ZNF585B: variants seen among roughly 807,000 people sequenced by gnomAD.
ZNF585B encodes zinc finger protein 41-like protein.
Under a neutral mutation model 14.0 loss-of-function variants are expected in ZNF585B, and 7 were observed. That is an observed-to-expected ratio of 0.50 (90% CI 0.28 to 0.94). The LOEUF (loss-of-function observed/expected upper bound fraction) is 0.94, where lower values mean the gene tolerates loss of function less well. Among genes scored for constraint, ZNF585B ranks in the 40% least tolerant of loss-of-function variants. The pLI is 0.09. For synonymous variants in ZNF585B, 290 were observed against 317.3 expected, an observed-to-expected ratio of 0.91 and a Z score of 0.91; for missense variants, 750 against 924.4, an observed-to-expected ratio of 0.81 and a Z score of 2.45.
rs199543347 is a variant in ZNF585B at position 37,186,714 on chromosome 19, A to G, written c.823T>C (p.Cys275Arg). 6.2e-7 allele frequency: 1 copy of G among 1,614,198 alleles called. No homozygotes were observed. The highest frequency in any genetic ancestry group is 1.3e-5 in the African/African-American group (1 of 75,060). The change falls in exon 5 of 5, where the codon TGC becomes CGC. Residue 275 changes from cysteine to arginine, a missense_variant. Transcript: ENST00000532828. ...GTTTTCTGGATGAAGGCCTGCCCGC[A>G]TTCAATACAGATGTAGGATCTCTCG... ...TGERSYICIE[C>R]GQAFIQKTQL...
At chr19:37,204,731 T>C (rs1272667035) in intron 2 of ZNF585B, among the ~76,000 whole-genome samples, 3 of 151,000 alleles carry the variant, frequency 2.0e-5, no homozygotes, top group Non-Finnish European at 4.4e-5. Flanking sequence ...CACAGCACCA[T>C]GCCAGACTAA....
At chr19:37,189,462 T>G in intron 4 of ZNF585B, 199 bp downstream of exon 4, 1 of 580,668 alleles carries the variant, frequency 1.7e-6, no homozygotes, top group Non-Finnish European at 3.1e-6. Context: ...GACTGGCACA[T>G]GACTTATAAT....
intron 2 of ZNF585B, among the ~76,000 whole-genome samples, chr19:37,206,244 G>A (rs530731118): frequency 1.3e-5 from 2 of 152,008 alleles, no homozygotes; most frequent in East Asian, 1.9e-4. Flanking sequence ...CTGAGATCAG[G>A]AGTTCGAGAT....
Position 37,190,163 on chromosome 19 carries a change from A to T in ZNF585B, c.73-13T>A, listed in dbSNP as rs375120735. On this transcript the variant is annotated splice_polypyrimidine_tract_variant and intron_variant, in intron 2 of 4. Coordinates refer to ENST00000532828, the MANE Select transcript of ZNF585B (RefSeq NM_152279.4). ...AGGACACTGATCCCTGTAAGGGCAC[A>T]TTCCTGTTCAATGTGCATAGTCAGC... 2.5e-6 allele frequency: 4 copies of T among 1,614,148 alleles called. No homozygotes were observed. Among genetic ancestry groups the T allele is most frequent in the Non-Finnish European group, 3.4e-6 (4 of 1,179,998 alleles).
In ZNF585B at chr19:37,186,931, G is replaced by A. The variant is rs748283830; in HGVS notation, c.606C>T (p.Phe202=). ...GKSFFQVSSL[F]RHHRIHTGEK... is the part of the protein sequence containing the mutation. ...CTCCGGTATGAATTCTGTGATGCCT[G>A]AAAAGAGACGATACTTGAAAAAAGG... The change falls in exon 5 of 5, where the codon TTC becomes TTT. Residue 202 remains phenylalanine, a synonymous_variant. Transcript: ENST00000532828. The A allele has an allele frequency of 5.0e-6, 8 of 1,614,020 alleles. No homozygotes were observed. Among genetic ancestry groups the A allele is most frequent in the African/African-American group, 2.7e-5 (2 of 74,916 alleles).
At chr19:37,187,727 C>G (rs1444795082) in intron 4 of ZNF585B, among the ~76,000 whole-genome samples, 1 of 151,694 alleles carries the variant, frequency 6.6e-6, no homozygotes, top group Non-Finnish European at 1.5e-5. Flanking sequence ...CTAGCAGAGG[C>G]TAGAGGGGAA....
intron 2 of ZNF585B, among the ~76,000 whole-genome samples, chr19:37,191,433 C>T (rs924400966): frequency 2.0e-5 from 3 of 151,804 alleles, no homozygotes; most frequent in Non-Finnish European, 4.4e-5. Flanking sequence ...GCCTGGCCAA[C>T]ATGGTGAAAT....
intron 2 of ZNF585B, among the ~76,000 whole-genome samples, chr19:37,206,107 A>T (rs561317331): frequency 2.0e-5 from 3 of 151,800 alleles, no homozygotes; most frequent in African/African-American, 7.2e-5. Context: ...TAAATAATTT[A>T]AAAAATAACA....
chr19:37,206,281 G>A (rs1356162459), intron 2 of ZNF585B, among the ~76,000 whole-genome samples: 2 of 151,606 alleles, frequency 1.3e-5, no homozygotes, highest in Admixed American at 6.6e-5. Flanking sequence ...GAGAAACCCC[G>A]TCTCTACTAA....
At chr19:37,191,523 A>T (rs55825113) in intron 2 of ZNF585B, among the ~76,000 whole-genome samples, 1,545 of 151,574 alleles carry the variant, frequency 0.01, 27 homozygotes, top group African/African-American at 0.036. Context: ...GAGGCTGAGG[A>T]GGGAGAATCA....
intron 2 of ZNF585B, among the ~76,000 whole-genome samples, chr19:37,194,313 A>G (rs928002206): frequency 6.9e-6 from 1 of 144,698 alleles, no homozygotes; most frequent in African/African-American, 2.6e-5. Flanking sequence ...CATGGTGTAC[A>G]TATTTAAAGA....
At chr19:37,205,123 G>C (rs779533885) in intron 2 of ZNF585B, among the ~76,000 whole-genome samples, 4 of 151,940 alleles carry the variant, frequency 2.6e-5, no homozygotes, top group Non-Finnish European at 5.9e-5. Flanking sequence ...GGCTGGTCTT[G>C]AACTTCTGGC....
chr19:37,185,663 T>A lies in ZNF585B; in HGVS notation c.1874A>T (p.Gln625Leu). Residue 625 changes from glutamine (Q) to leucine (L), a missense_variant, in exon 5 of 5, where the codon CAG becomes CTG. Around this residue, in one of 2 missense-constraint regions of ZNF585B, gnomAD observed 233 missense variants for 354.1 expected, o/e 0.66. Transcript: ENST00000532828. ...FTSKSQLLVH[Q>L]PVHTGEKPYV... Reference sequence around the variant, plus strand: ...GGGTTTCTCTCCTGTGTGAACTGGCTGATGCACCAGGAGCTGAGACTTGGA... The same window carrying A: ...GGGTTTCTCTCCTGTGTGAACTGGCAGATGCACCAGGAGCTGAGACTTGGA... 1 of 1,613,592 alleles carries A rather than the reference T, an allele frequency of 6.2e-7. No individual in the cohort carries two copies. The highest frequency in any genetic ancestry group is 1.7e-5 in the Admixed American group (1 of 59,946).
At chr19:37,189,547 C>T in intron 4 of ZNF585B, 114 bp downstream of exon 4, 1 of 1,164,810 alleles carries the variant, frequency 8.6e-7, no homozygotes. Flanking sequence ...AATTCAGAGC[C>T]TTACTGAAGA....
chr19:37,189,577 A>C (rs1972376573), intron 4 of ZNF585B, 84 bp downstream of exon 4: 1 of 1,508,486 alleles, frequency 6.6e-7, no homozygotes, highest in Non-Finnish European at 9.2e-7. Context: ...ATAGCACTTC[A>C]CAGGTTCCAG....
In ZNF585B at chr19:37,183,316, T is replaced by C. The variant is rs934070023; in HGVS notation, c.*1911A>G. 3 of 152,180 alleles carry C rather than the reference T, an allele frequency of 2.0e-5. No homozygotes were observed. Among genetic ancestry groups the C allele is most frequent in the African/African-American group, 7.2e-5 (3 of 41,416 alleles). The allele number at this position is 152,180 out of a possible 1,614,324, so 9.4% of individuals were successfully genotyped here. A position where few individuals can be genotyped will look rare whatever the true frequency, so the allele number is the denominator to read the frequency against. On this transcript the variant is annotated 3_prime_UTR_variant, in exon 5 of 5. Coordinates refer to ENST00000532828, the MANE Select transcript of ZNF585B (RefSeq NM_152279.4). ...CCAAGTTGGTTCTCCCTATTAGCGC[T>C]TCTTATGCTGCAACACAGAAAAAAA...
intron 2 of ZNF585B, among the ~76,000 whole-genome samples, chr19:37,193,169 A>T (rs550228129): frequency 6.6e-6 from 1 of 151,778 alleles, no homozygotes; most frequent in Non-Finnish European, 1.5e-5. Flanking sequence ...ACACCACATG[A>T]GTTTAAAGAA....
chr19:37,206,036 T>C (rs990536694), intron 2 of ZNF585B, among the ~76,000 whole-genome samples: 1 of 151,948 alleles, frequency 6.6e-6, no homozygotes, highest in Non-Finnish European at 1.5e-5. Flanking sequence ...GCGGAGATCA[T>C]GCCATTGCAC....
intron 2 of ZNF585B, among the ~76,000 whole-genome samples, chr19:37,204,530 C>T (rs1376363403): frequency 6.6e-6 from 1 of 152,188 alleles, no homozygotes; most frequent in Non-Finnish European, 1.5e-5. Context: ...TTCTTCAAAC[C>T]ACAAAAGTGA....
Sources: allele counts gnomAD v4.1 joint callset (sites outside exome capture counted in the v4.1 genomes callset), GRCh38; gene constraint gnomAD v4.1.1; regional missense constraint gnomAD v4.1.1; transcripts MANE v1.5; gene names NCBI Gene and HGNC (gene_info 2026-07-23, HGNC 2026-07-21).